CDH12: variants seen among roughly 807,000 people sequenced by gnomAD.
The protein encoded by CDH12 is cadherin-12.
Under a neutral mutation model 74.1 loss-of-function variants are expected in CDH12, and 41 were observed. The observed-to-expected ratio is 0.55, with a 90% CI of 0.43 to 0.72. The LOEUF (loss-of-function observed/expected upper bound fraction) is 0.72. Among genes scored for constraint, CDH12 ranks in the 30% least tolerant of loss-of-function variants. The probability of loss-of-function intolerance (pLI) is 0.00; values close to 1 mark genes in which losing one functional copy is unlikely to be tolerated. For missense variants in CDH12, 945 were observed against 977.2 expected (o/e 0.97, Z 0.44); for synonymous variants, 399 against 355.0 (o/e 1.12, Z -1.39).
chr5:22,542,791 T>C (rs1738164731), intron 1 of CDH12, among the ~76,000 whole-genome samples: 1 of 152,176 alleles, frequency 6.6e-6, no homozygotes, highest in African/African-American at 2.4e-5. Context: ...ATGATGCCTA[T>C]GACACAGATT....
At chr5:22,176,622 C>T (rs1324186013) in intron 4 of CDH12, among the ~76,000 whole-genome samples, 2 of 152,116 alleles carry the variant, frequency 1.3e-5, no homozygotes, top group African/African-American at 2.4e-5. Flanking sequence ...GGTATCTCTC[C>T]ATTATGAATA....
At chr5:22,038,826 T>C (rs753063715) in intron 5 of CDH12, among the ~76,000 whole-genome samples, 26 of 152,236 alleles carry the variant, frequency 1.7e-4, no homozygotes, top group Non-Finnish European at 2.1e-4. Flanking sequence ...CAGGATCAAG[T>C]TGATGTGGTA....
chr5:22,247,142 G>A (rs1226591060), intron 3 of CDH12, among the ~76,000 whole-genome samples: 3 of 152,106 alleles, frequency 2.0e-5, no homozygotes, highest in Non-Finnish European at 4.4e-5. Flanking sequence ...AAGATGCCTA[G>A]GAAAGCAATT....
intron 1 of CDH12, among the ~76,000 whole-genome samples, chr5:22,723,494 G>A (rs1230109522): frequency 3.3e-5 from 5 of 152,002 alleles, no homozygotes; most frequent in African/African-American, 1.2e-4. Context: ...ATGTAAAGCA[G>A]CAGTTTAGTC....
chr5:22,151,335 C>T (rs564418195), intron 4 of CDH12, among the ~76,000 whole-genome samples: 151 of 152,104 alleles, frequency 9.9e-4, no homozygotes, highest in African/African-American at 3.4e-3. Flanking sequence ...GCTGTAAGAA[C>T]GAGGCATTAT....
intron 3 of CDH12, among the ~76,000 whole-genome samples, chr5:22,267,642 T>C (rs1040968013): frequency 4.6e-5 from 7 of 152,282 alleles, no homozygotes; most frequent in Admixed American, 2.0e-4. Flanking sequence ...AAAATTCTGA[T>C]GGATGTTGAC....
chr5:21,933,049 T>G (rs956586521), intron 6 of CDH12, among the ~76,000 whole-genome samples: 1 of 151,572 alleles, frequency 6.6e-6, no homozygotes, highest in African/African-American at 2.4e-5. Flanking sequence ...ATTAGCAAGC[T>G]ATCATCGATA....
chr5:22,328,489 C>G (rs1226035789), intron 3 of CDH12, among the ~76,000 whole-genome samples: 2 of 152,086 alleles, frequency 1.3e-5, no homozygotes, highest in Non-Finnish European at 2.9e-5. Context: ...AGTCTGTGAT[C>G]CTCTGCTAAA....
At chr5:21,917,677 G>A (rs1001577560) in intron 6 of CDH12, among the ~76,000 whole-genome samples, 4 of 152,142 alleles carry the variant, frequency 2.6e-5, no homozygotes, top group Non-Finnish European at 5.9e-5. Flanking sequence ...AGTGCTGAAC[G>A]TCCTTTCAAT....
chr5:22,745,798 A>T (rs1745265308), intron 1 of CDH12, among the ~76,000 whole-genome samples: 2 of 152,150 alleles, frequency 1.3e-5, no homozygotes, highest in Admixed American at 1.3e-4. Context: ...GATTCAGGAA[A>T]AATAACTAAT....
chr5:21,959,924 C>CA (rs1201352707), intron 6 of CDH12, among the ~76,000 whole-genome samples: 6,232 of 49,198 alleles, frequency 0.13, 463 homozygotes, highest in African/African-American at 0.23. Context: ...GGCTCCATCT[C>CA]AAAAAAAAAA....
chr5:22,851,534 T>C (rs1422484407), intron 1 of CDH12, among the ~76,000 whole-genome samples: 1 of 152,168 alleles, frequency 6.6e-6, no homozygotes, highest in African/African-American at 2.4e-5. Context: ...ATTTTCAACT[T>C]AATTGAAAAC....
At chr5:22,661,920 TA>T (rs1452107393) in intron 1 of CDH12, among the ~76,000 whole-genome samples, 1 of 152,150 alleles carries the variant, frequency 6.6e-6, no homozygotes, top group Non-Finnish European at 1.5e-5. Context: ...TTAAAAATTA[TA>T]TTTAATAAGA....
At chr5:22,058,118 A>G (rs1740881288) in intron 5 of CDH12, among the ~76,000 whole-genome samples, 1 of 151,864 alleles carries the variant, frequency 6.6e-6, no homozygotes, top group Non-Finnish European at 1.5e-5. Flanking sequence ...GTGCAGTGGT[A>G]CAATCTCGGC....
At chr5:22,055,781 T>C (rs533641017) in intron 5 of CDH12, among the ~76,000 whole-genome samples, 5 of 152,056 alleles carry the variant, frequency 3.3e-5, no homozygotes, top group African/African-American at 1.2e-4. Context: ...CTTCAAAACT[T>C]ACCAAATAAT....
At chr5:22,728,016 T>G (rs2126999654) in intron 1 of CDH12, among the ~76,000 whole-genome samples, 1 of 151,940 alleles carries the variant, frequency 6.6e-6, no homozygotes, top group Admixed American at 6.6e-5. Context: ...TTTTCCAAAT[T>G]TAACTACTTC....
intron 4 of CDH12, among the ~76,000 whole-genome samples, chr5:22,208,053 C>T (rs1312954109): frequency 2.6e-5 from 4 of 152,146 alleles, no homozygotes; most frequent in Non-Finnish European, 5.9e-5. Flanking sequence ...GTTTAGACAC[C>T]TTAACTGACT....
rs555396808 is a variant in CDH12 at position 21,874,225 on chromosome 5, T to C, written c.527-19435A>G. ...TGGTCAAAGGACATAAACAGACACT[T>C]CTCAAAAGAAAACATTTGTGCAGCC... On this transcript the variant is annotated intron_variant, in intron 6 of 14. Coordinates refer to ENST00000382254, the MANE Select transcript of CDH12 (RefSeq NM_004061.5). Among the ~76,000 whole-genome samples the C allele has an allele frequency of 2.0e-5, 3 of 152,190 alleles. No individual in the cohort carries two copies. In the South Asian group the frequency reaches 6.2e-4, roughly 32 times the overall value.
intron 1 of CDH12, among the ~76,000 whole-genome samples, chr5:22,704,576 C>T (rs933948012): frequency 6.6e-6 from 1 of 151,936 alleles, no homozygotes; most frequent in Non-Finnish European, 1.5e-5. Flanking sequence ...TAATGTTTGG[C>T]AGCTGATAAA....
Sources: gnomAD v4.1 joint callset for allele counts (sites outside exome capture counted in the v4.1 genomes callset) on GRCh38, gnomAD v4.1.1 for gene constraint, MANE v1.5 for transcripts, NCBI Gene and HGNC (gene_info 2026-07-23, HGNC 2026-07-21) for gene names.